OLFM3: variants seen among roughly 807,000 people sequenced by gnomAD.
OLFM3 encodes the protein noelin-3.
Under a neutral mutation model 48.6 loss-of-function variants are expected in OLFM3, and 20 were observed. The ratio of observed to expected loss-of-function variants is 0.41; its 90% CI spans 0.29 to 0.60. OLFM3 has a LOEUF of 0.60. OLFM3 is among the 20% of genes least tolerant of loss of function. OLFM3 has a pLI of 0.28. For missense variants in OLFM3, 437 were observed against 544.3 expected (o/e 0.80, Z 1.96); for synonymous variants, 222 against 198.1 (o/e 1.12, Z -1.01).
chr1:101,875,070 G>T (rs1264683754), intron 1 of OLFM3, among the ~76,000 whole-genome samples: 1 of 151,900 alleles, frequency 6.6e-6, no homozygotes, highest in Admixed American at 6.6e-5. Flanking sequence ...TCCATTGAAA[G>T]ATATTAGTTT....
intron 4 of OLFM3, among the ~76,000 whole-genome samples, chr1:101,814,748 T>C (rs1216441818): frequency 6.6e-6 from 1 of 152,186 alleles, no homozygotes; most frequent in African/African-American, 2.4e-5. Context: ...TCTCAGTGTT[T>C]CATGGGTAAC....
chr1:101,959,995 T>G (rs1660419135), intron 1 of OLFM3, among the ~76,000 whole-genome samples: 1 of 152,162 alleles, frequency 6.6e-6, no homozygotes, highest in Non-Finnish European at 1.5e-5. Flanking sequence ...CTTAAGTCTC[T>G]CTATAGAGGA....
chr1:101,807,911 T>C (rs1653857823), intron 4 of OLFM3, among the ~76,000 whole-genome samples: 1 of 151,752 alleles, frequency 6.6e-6, no homozygotes, highest in Non-Finnish European at 1.5e-5. Context: ...ATAAACAATA[T>C]ATGAGTAAAG....
intron 1 of OLFM3, among the ~76,000 whole-genome samples, chr1:101,956,877 A>G (rs1411219382): frequency 1.3e-5 from 2 of 151,884 alleles, no homozygotes; most frequent in Non-Finnish European, 1.5e-5. Context: ...CTGTGTCCAT[A>G]TATTATGACA....
intron 1 of OLFM3, among the ~76,000 whole-genome samples, chr1:101,968,536 A>AG (rs1293625446): frequency 2.0e-5 from 2 of 99,842 alleles, no homozygotes; most frequent in African/African-American, 3.3e-5. Flanking sequence ...TTGTTCTGAA[A>AG]AAAAAAAAAA....
intron 4 of OLFM3, chr1:101,812,838 G>A: frequency 1.0e-6 from 1 of 990,288 alleles, no homozygotes; most frequent in Non-Finnish European, 1.2e-6. Context: ...GGTTTTGTGA[G>A]GAAAATTGAT....
In OLFM3 at chr1:101,905,229, G is replaced by C. The variant is rs183696388; in HGVS notation, c.70-68204C>G. Among the ~76,000 whole-genome samples, 161 of 152,192 alleles carry C rather than the reference G, an allele frequency of 1.1e-3. 1 individual carries two copies. The highest frequency in any genetic ancestry group is 3.8e-3 in the African/African-American group (157 of 41,528). On this transcript the variant is annotated intron_variant, in intron 1 of 5. Transcript: ENST00000370103. ...CATATTGCAAAACTCTAATGTAACT[G>C]TGCAAGAAAACACCTCCCCCAGTTT...
intron 1 of OLFM3, among the ~76,000 whole-genome samples, chr1:101,839,377 T>C (rs149902464): frequency 7.5e-4 from 114 of 152,266 alleles, no homozygotes; most frequent in South Asian, 2.3e-3. Context: ...ACCCACAGAA[T>C]GGAAATAGAA....
chr1:101,906,996 T>C (rs61808282), intron 1 of OLFM3, among the ~76,000 whole-genome samples: 439 of 152,340 alleles, frequency 2.9e-3, no homozygotes, highest in Non-Finnish European at 4.8e-3. Context: ...GTATTTTTCA[T>C]AAGCACTTAA....
chr1:101,963,877 A>G (rs1168002894), intron 1 of OLFM3, among the ~76,000 whole-genome samples: 4 of 152,168 alleles, frequency 2.6e-5, no homozygotes, highest in Non-Finnish European at 1.5e-5. Context: ...CAGTTATTAA[A>G]TGTATTGTAA....
chr1:101,836,669 G>A (rs1310788178), intron 2 of OLFM3, among the ~76,000 whole-genome samples: 6 of 151,604 alleles, frequency 4.0e-5, no homozygotes, highest in African/African-American at 9.7e-5. Flanking sequence ...AGGTGGCAAG[G>A]TTAGAAAAAG....
chr1:101,917,009 C>T (rs1052047008), intron 1 of OLFM3, among the ~76,000 whole-genome samples: 5 of 151,994 alleles, frequency 3.3e-5, no homozygotes, highest in African/African-American at 4.8e-5. Flanking sequence ...ATAAAGAAAC[C>T]ACAAACAGGA....
rs1470522555 is a variant in OLFM3, at chr1:101,804,090, C to T, written c.*148G>A. The T allele has an allele frequency of 1.7e-6, 1 of 589,646 alleles. No individual in the cohort carries two copies. Among genetic ancestry groups the T allele is most frequent in the Non-Finnish European group, 2.8e-6 (1 of 356,238 alleles). The allele number at this position is 589,646 out of a possible 1,614,324, so 36.5% of individuals were successfully genotyped here. A position where few individuals can be genotyped will look rare whatever the true frequency, so the allele number is the denominator to read the frequency against. ...AACATGGTAAGTTAGACAAGCTCAG[C>T]TATGTTTTTGAAACACCAACTTTAC... On this transcript the variant is annotated 3_prime_UTR_variant, in exon 6 of 6. Transcript: ENST00000370103. This position sits in a 1 kb window ranked among gnomAD's most constrained non-coding sequence, Gnocchi z 4.5.
intron 1 of OLFM3, among the ~76,000 whole-genome samples, chr1:101,917,453 G>C (rs12095726): frequency 0.028 from 4,182 of 151,934 alleles, 202 homozygotes; most frequent in African/African-American, 0.096. Flanking sequence ...GTCTTGCTCT[G>C]TTGCCCAGGC....
At chr1:101,990,224 T>C (rs1183836544) in intron 1 of OLFM3, among the ~76,000 whole-genome samples, 5 of 152,186 alleles carry the variant, frequency 3.3e-5, no homozygotes, top group African/African-American at 1.2e-4. Context: ...AAGTTTAAAT[T>C]GGAGCTTTGA....
At position 101,873,603 on chromosome 1, in the gene OLFM3, C is replaced by T. The variant is rs1319441659; in HGVS notation, c.70-36578G>A. Among the ~76,000 whole-genome samples the T allele has an allele frequency of 2.0e-5, 3 of 151,514 alleles. No homozygotes were observed. In the East Asian group the frequency reaches 5.8e-4, roughly 29 times the overall value. On this transcript the variant is annotated intron_variant, in intron 1 of 5. Transcript: ENST00000370103. ...TGCAACTTTTTCATGGTTATGAGTA[C>T]TATGTGGTAGATCTGAGTTTAATTT...
rs529992779 is a variant in OLFM3, at chr1:101,810,059, A to T, written c.593-3877T>A. On this transcript the variant is annotated intron_variant, in intron 4 of 5. Transcript: ENST00000370103. ...AAAGTCCACGTTGTTAGAGAATTAAACATTGGGAGAGGAAATGGAAAGAAA... is the reference window on the plus strand; with the variant it reads ...AAAGTCCACGTTGTTAGAGAATTAATCATTGGGAGAGGAAATGGAAAGAAA... Among the ~76,000 whole-genome samples the T allele has an allele frequency of 3.3e-5, 5 of 152,088 alleles. No homozygotes were observed. In the East Asian group the frequency reaches 7.7e-4, roughly 24 times the overall value.
intron 1 of OLFM3, among the ~76,000 whole-genome samples, chr1:101,872,298 A>G (rs1264993881): frequency 6.6e-6 from 1 of 152,066 alleles, no homozygotes; most frequent in Non-Finnish European, 1.5e-5. Flanking sequence ...CAGAAAACCC[A>G]AGTGGTTGAG....
intron 1 of OLFM3, among the ~76,000 whole-genome samples, chr1:101,969,236 G>A (rs75150630): frequency 0.016 from 2,394 of 151,788 alleles, 56 homozygotes; most frequent in African/African-American, 0.054. Context: ...CAGCCTTGAC[G>A]CCCTCCAGGC....
Sources: gnomAD v4.1 joint callset for allele counts (sites outside exome capture counted in the v4.1 genomes callset) on GRCh38, gnomAD v4.1.1 for gene constraint, Gnocchi (gnomAD v3.1) non-coding constraint, MANE v1.5 for transcripts, NCBI Gene and HGNC (gene_info 2026-07-23, HGNC 2026-07-21) for gene names.